Variants in LCA5 observed in about 807,000 individuals in gnomAD.
LCA5 encodes the protein lebercilin.
Under a neutral mutation model 53.0 loss-of-function variants are expected in LCA5, and 37 were observed. The observed-to-expected ratio is 0.70, with a 90% CI of 0.54 to 0.92. The LOEUF (loss-of-function observed/expected upper bound fraction) is 0.92. Ranked by LOEUF, LCA5 falls within the 40% of genes least tolerant of loss-of-function variation. The pLI is 0.00. For missense variants in LCA5, 806 were observed against 790.5 expected (o/e 1.02, Z -0.23); for synonymous variants, 303 against 282.9 (o/e 1.07, Z -0.71).
At chr6:79,506,234 C>T (rs1478227183) in intron 3 of LCA5, among the ~76,000 whole-genome samples, 2 of 152,054 alleles carry the variant, frequency 1.3e-5, no homozygotes, top group Non-Finnish European at 2.9e-5. Context: ...CAAAGTAATT[C>T]ACTCTGTGCC....
intron 6 of LCA5, among the ~76,000 whole-genome samples, chr6:79,490,343 C>T (rs1406859610): frequency 6.6e-6 from 1 of 151,904 alleles, no homozygotes; most frequent in African/African-American, 2.4e-5. Context: ...ATTGTCACAA[C>T]CCTGAAAAGT....
chr6:79,528,072 C>A lies in LCA5; in HGVS notation c.-191-8987G>T, dbSNP rs1017001050. On this transcript the variant is annotated intron_variant, in intron 1 of 7. Transcript: ENST00000369846. ...AAGAGTAACCACTACAAGTGTGCTG[C>A]GAAACAACCTCAGGCAAAGGTGGTT... Among the ~76,000 whole-genome samples, 3 of 152,068 alleles carry A rather than the reference C, an allele frequency of 2.0e-5. No homozygotes were observed. The South Asian group carries it at 6.2e-4, about 32-fold the overall frequency.
intron 1 of LCA5, among the ~76,000 whole-genome samples, chr6:79,530,645 C>T (rs988496495): frequency 6.6e-6 from 1 of 152,176 alleles, no homozygotes; most frequent in African/African-American, 2.4e-5. Context: ...CACAATTCAT[C>T]ATTGCATTTA....
chr6:79,499,448 G>T (rs1465046863), intron 3 of LCA5, among the ~76,000 whole-genome samples: 1 of 151,990 alleles, frequency 6.6e-6, no homozygotes, highest in Admixed American at 6.6e-5. Context: ...TTCAGTTTAA[G>T]ATCTTAATGT....
At chr6:79,505,440 G>A (rs1433410587) in intron 3 of LCA5, among the ~76,000 whole-genome samples, 2 of 152,000 alleles carry the variant, frequency 1.3e-5, no homozygotes, top group Non-Finnish European at 2.9e-5. Flanking sequence ...ATATAATAAG[G>A]ACTTAATTGG....
rs141043262 is a variant in LCA5, at chr6:79,495,285, C to T, written c.721-1535G>A. Among the ~76,000 whole-genome samples, 18 of 152,280 alleles carry T rather than the reference C, an allele frequency of 1.2e-4. No homozygotes were observed. In the South Asian group the frequency reaches 2.5e-3, roughly 21 times the overall value. On this transcript the variant is annotated intron_variant, in intron 3 of 7. Coordinates refer to ENST00000369846, the MANE Select transcript of LCA5 (RefSeq NM_001122769.3). The stretch of plus-strand genomic sequence containing the variant: ...CTGTCCATGGAAAAACTGTCTTCCA[C>T]GAAATCAGTGCCTGGTGCCAAAAAG...
chr6:79,496,746 A>G (rs1769993558), intron 3 of LCA5, among the ~76,000 whole-genome samples: 2 of 152,144 alleles, frequency 1.3e-5, no homozygotes, highest in South Asian at 4.1e-4. Flanking sequence ...AGTAAAAACA[A>G]ATGTGTAAGT....
rs149412524 is a variant in LCA5 at position 79,489,184 on chromosome 6, T to C, written c.1131A>G (p.Gly377=). 31 of 1,612,386 alleles carry C rather than the reference T, an allele frequency of 1.9e-5. No homozygotes were observed. In the African/African-American group the frequency reaches 4.0e-4, roughly 21 times the overall value. The change falls in exon 7 of 8, where the codon GGA becomes GGG. Residue 377 remains glycine (G), a synonymous_variant. Transcript: ENST00000369846. The part of the protein sequence containing the change: ...DLQSQKQDRH[G]EAGILNPIME... ...TAATTGGGTTTAGAATCCCTGCTTC[T>C]CCATGCCTGTCTTGCTTTTGAGATT...
chr6:79,491,646 G>GT lies in LCA5; in HGVS notation c.1039dup (p.Thr347AsnfsTer50). ...TTCGTAACACATAATTGTTTCTGGA[G>GT]TTAAAGGATATTCTTCTGGCTTGAA... On this transcript the variant is annotated frameshift_variant, in exon 6 of 8. Transcript: ENST00000369846. LOFTEE classifies it high-confidence loss of function. The GT allele has an allele frequency of 1.2e-6, 2 of 1,613,162 alleles. No homozygotes were observed. The highest frequency in any genetic ancestry group is 1.7e-6 in the Non-Finnish European group (2 of 1,179,310).
At chr6:79,493,795 A>T in intron 3 of LCA5, 45 bp from the exon 4 acceptor site, 1 of 1,456,808 alleles carries the variant, frequency 6.9e-7, no homozygotes, top group South Asian at 1.2e-5. Flanking sequence ...AAAAAATTCC[A>T]ACAATGAAAC....
intron 3 of LCA5, among the ~76,000 whole-genome samples, chr6:79,505,895 G>A (rs959043120): frequency 1.3e-5 from 2 of 152,084 alleles, no homozygotes; most frequent in Non-Finnish European, 2.9e-5. Context: ...GTAAAGGGAA[G>A]ATAATGCTGT....
intron 2 of LCA5, among the ~76,000 whole-genome samples, chr6:79,517,148 G>A (rs1182171115): frequency 6.6e-6 from 1 of 152,036 alleles, no homozygotes; most frequent in East Asian, 1.9e-4. Context: ...TATCAGTTTG[G>A]TCTTGTTACT....
chr6:79,538,665 A>ATT (rs1382992788), upstream of LCA5, among the ~76,000 whole-genome samples: 4 of 152,216 alleles, frequency 2.6e-5, no homozygotes, highest in African/African-American at 7.2e-5. Flanking sequence ...ATTACTTATA[A>ATT]AGGAAGTTGC....
At chr6:79,524,668 T>C (rs1766728118) in intron 1 of LCA5, among the ~76,000 whole-genome samples, 1 of 152,178 alleles carries the variant, frequency 6.6e-6, no homozygotes, top group Admixed American at 6.5e-5. Flanking sequence ...ATTTACACTC[T>C]AGTTATACTA....
chr6:79,505,315 T>G (rs1770246154), intron 3 of LCA5, among the ~76,000 whole-genome samples: 1 of 152,162 alleles, frequency 6.6e-6, no homozygotes, highest in South Asian at 2.1e-4. Flanking sequence ...ACATAAATAA[T>G]AAAATCTTTG....
intron 1 of LCA5, among the ~76,000 whole-genome samples, chr6:79,519,662 A>T (rs1766562856): frequency 6.6e-6 from 1 of 150,646 alleles, no homozygotes; most frequent in African/African-American, 2.4e-5. Context: ...GGTTGCAGTT[A>T]GCCAAGATGG....
rs184621854 is a variant in LCA5 at position 79,489,359 on chromosome 6, A to C, written c.1099-143T>G. The C allele has an allele frequency of 1.3e-5, 11 of 819,438 alleles. No individual in the cohort carries two copies. In the Admixed American group the frequency reaches 2.6e-4, roughly 20 times the overall value. 50.8% of individuals were successfully genotyped at this position (819,438 alleles called of 1,614,324 possible). Reference sequence around the variant, plus strand: ...TCAATTAATGAATCAGTAAATCACAAGTTATCACTCCTTGAAAAATTCTTC... The same window carrying C: ...TCAATTAATGAATCAGTAAATCACACGTTATCACTCCTTGAAAAATTCTTC... On this transcript the variant is annotated intron_variant, in intron 6 of 7. Transcript: ENST00000369846.
At chr6:79,531,096 T>G (rs1245880473) in intron 1 of LCA5, among the ~76,000 whole-genome samples, 2 of 152,122 alleles carry the variant, frequency 1.3e-5, no homozygotes, top group Admixed American at 6.5e-5. Context: ...ATCAGAAAGC[T>G]CCGTTAGTAA....
chr6:79,503,212 G>A (rs1312856388), intron 3 of LCA5, among the ~76,000 whole-genome samples: 1 of 152,178 alleles, frequency 6.6e-6, no homozygotes, highest in Non-Finnish European at 1.5e-5. Flanking sequence ...TGACCTAGAA[G>A]AAGGCAAATA....
Sources: gnomAD v4.1 joint callset for allele counts (sites outside exome capture counted in the v4.1 genomes callset) on GRCh38, gnomAD v4.1.1 for gene constraint, MANE v1.5 for transcripts, NCBI Gene and HGNC (gene_info 2026-07-23, HGNC 2026-07-21) for gene names.